Variants in SH3RF3 observed in about 807,000 individuals in gnomAD.
SH3RF3 encodes SH3 domain containing ring finger 3.
Under a neutral mutation model 66.3 loss-of-function variants are expected in SH3RF3, and 29 were observed. That is an observed-to-expected ratio of 0.44 (90% CI 0.33 to 0.60). The LOEUF (loss-of-function observed/expected upper bound fraction) is 0.60. Among genes scored for constraint, SH3RF3 ranks in the 20% least tolerant of loss-of-function variants. The pLI, the probability that SH3RF3 is intolerant of heterozygous loss-of-function variation, is 0.04. For missense variants in SH3RF3, 1,194 were observed against 1,190.9 expected (o/e 1.00, Z -0.04); for synonymous variants, 583 against 532.0 (o/e 1.10, Z -1.32).
At chr2:109,421,708 A>G (rs1319102534) in intron 5 of SH3RF3, among the ~76,000 whole-genome samples, 1 of 152,176 alleles carries the variant, frequency 6.6e-6, no homozygotes. Context: ...GTAAGAGGGA[A>G]GGGAAACTTA....
chr2:109,171,034 C>T (rs1179627702), intron 1 of SH3RF3, among the ~76,000 whole-genome samples: 5 of 152,154 alleles, frequency 3.3e-5, no homozygotes, highest in Non-Finnish European at 4.4e-5. Context: ...GTGCTGGGGG[C>T]TGGGGGAGTC....
At chr2:109,252,852 G>A (rs915849161) in intron 1 of SH3RF3, among the ~76,000 whole-genome samples, 2 of 152,098 alleles carry the variant, frequency 1.3e-5, no homozygotes, top group African/African-American at 4.8e-5. Context: ...GGTTATATAG[G>A]TATGTGAAGT....
intron 1 of SH3RF3, among the ~76,000 whole-genome samples, chr2:109,163,591 G>A (rs1677545566): frequency 1.3e-5 from 2 of 151,198 alleles, no homozygotes; most frequent in Admixed American, 1.3e-4. Context: ...AGTAGAGACG[G>A]GGTTTCACCG....
chr2:109,445,939 G>A (rs1677693183), intron 7 of SH3RF3, among the ~76,000 whole-genome samples: 1 of 152,124 alleles, frequency 6.6e-6, no homozygotes, highest in African/African-American at 2.4e-5. Context: ...CACAGTCCTT[G>A]GAAGCTGCAG....
chr2:109,501,542 G>A lies in SH3RF3; in HGVS notation c.2520G>A (p.Ala840=), dbSNP rs371628939. 16 of 779,440 alleles carry A rather than the reference G, an allele frequency of 2.1e-5. No homozygotes were observed. Among genetic ancestry groups the A allele is most frequent in the South Asian group, 9.4e-5 (7 of 74,132 alleles). 48.3% of individuals were successfully genotyped at this position (779,440 alleles called of 1,614,324 possible). ...TCTCGTACCCACCCCAGAGTGAGGC[G>A]GAGATCGAGCTGAAGGAAGGCGACA... is the stretch of plus-strand genomic sequence containing the variant. ...VVVSYPPQSE[A]EIELKEGDIV... Residue 840 remains alanine (A), a synonymous_variant, in exon 10 of 10, where the codon GCG becomes GCA. Coordinates refer to ENST00000309415, the MANE Select transcript of SH3RF3 (RefSeq NM_001099289.3).
At chr2:109,326,153 T>C (rs1682150508) in intron 1 of SH3RF3, among the ~76,000 whole-genome samples, 1 of 152,358 alleles carries the variant, frequency 6.6e-6, no homozygotes, top group Non-Finnish European at 1.5e-5. Flanking sequence ...ATTTTATCTA[T>C]CTGTTCTTGG....
At chr2:109,338,834 T>C (rs7421851) in intron 1 of SH3RF3, among the ~76,000 whole-genome samples, 98,547 of 152,106 alleles carry the variant, frequency 0.65, 33,718 homozygotes, top group East Asian at 0.91. Flanking sequence ...TGTGAGCCAT[T>C]GCGCCAAGTC....
intron 1 of SH3RF3, among the ~76,000 whole-genome samples, chr2:109,333,456 C>T (rs2105497578): frequency 6.6e-6 from 1 of 152,312 alleles, no homozygotes; most frequent in South Asian, 2.1e-4. Context: ...TCATCCTGGA[C>T]TTGAGATCAC....
chr2:109,345,030 T>C (rs1352657603), intron 1 of SH3RF3, among the ~76,000 whole-genome samples: 1 of 152,130 alleles, frequency 6.6e-6, no homozygotes, highest in African/African-American at 2.4e-5. Flanking sequence ...CTGATACCAG[T>C]GAGGCCATGG....
At chr2:109,342,461 G>C (rs1321073410) in intron 1 of SH3RF3, among the ~76,000 whole-genome samples, 2 of 152,224 alleles carry the variant, frequency 1.3e-5, no homozygotes, top group African/African-American at 2.4e-5. Flanking sequence ...GGCTAATTGT[G>C]AAGGGGGCCC....
At chr2:109,430,346 G>A (rs1057395681) in intron 5 of SH3RF3, among the ~76,000 whole-genome samples, 4 of 152,222 alleles carry the variant, frequency 2.6e-5, no homozygotes, top group Admixed American at 6.5e-5. Context: ...GTGCGTCATT[G>A]TTACTGATTC....
At chr2:109,497,607 C>G (rs533060782) in intron 9 of SH3RF3, among the ~76,000 whole-genome samples, 26 of 152,290 alleles carry the variant, frequency 1.7e-4, no homozygotes, top group Admixed American at 1.6e-3. Flanking sequence ...GCTGCTGACA[C>G]GGACACGACA....
chr2:109,138,172 C>T (rs556661028), intron 1 of SH3RF3, among the ~76,000 whole-genome samples: 5 of 152,260 alleles, frequency 3.3e-5, no homozygotes, highest in East Asian at 1.9e-4. Flanking sequence ...AGCACCACCA[C>T]GCCCGGCTAA....
At position 109,335,021 on chromosome 2, in the gene SH3RF3, G is replaced by A. The variant is rs187794219; in HGVS notation, c.574-12653G>A. Reference sequence around the variant, plus strand: ...ACGCGATTTATGTCACCGCGTTGGCGACTTACATGTGCTCCCTGATCATTG... The same window carrying A: ...ACGCGATTTATGTCACCGCGTTGGCAACTTACATGTGCTCCCTGATCATTG... On this transcript the variant is annotated intron_variant, in intron 1 of 9. Transcript: ENST00000309415. Among the ~76,000 whole-genome samples, 7 of 152,366 alleles carry A rather than the reference G, an allele frequency of 4.6e-5. No homozygotes were observed. The East Asian group carries it at 9.7e-4, about 21-fold the overall frequency.
chr2:109,138,973 G>A (rs1036554110), intron 1 of SH3RF3, among the ~76,000 whole-genome samples: 3 of 152,238 alleles, frequency 2.0e-5, no homozygotes, highest in African/African-American at 7.2e-5. Flanking sequence ...TTGACATGTG[G>A]TAATAAGAGA....
At chr2:109,146,448 A>G (rs1677100228) in intron 1 of SH3RF3, among the ~76,000 whole-genome samples, 1 of 152,084 alleles carries the variant, frequency 6.6e-6, no homozygotes, top group African/African-American at 2.4e-5. Flanking sequence ...ATTCCGTGCC[A>G]AGAGGCCTCC....
In SH3RF3 at chr2:109,129,513, G is replaced by A. The variant is rs1264292650; in HGVS notation, c.-28G>A. On this transcript the variant is annotated 5_prime_UTR_variant, in exon 1 of 10. Coordinates refer to ENST00000309415, the MANE Select transcript of SH3RF3 (RefSeq NM_001099289.3). ...CGCCGGCCCCGGGACCTAGGCAGCC[G>A]CGCGAGACCGCTGCGGGCGCCTCCC... is the stretch of plus-strand genomic sequence containing the variant. 6.7e-7 allele frequency: 1 copy of A among 1,495,540 alleles called. No homozygotes were observed. Among genetic ancestry groups the A allele is most frequent in the South Asian group, 1.2e-5 (1 of 80,370 alleles). The allele number at this position is 1,495,540 out of a possible 1,614,324, so 92.6% of individuals were successfully genotyped here.
At chr2:109,477,816 G>A (rs989962430) in intron 8 of SH3RF3, among the ~76,000 whole-genome samples, 28 of 152,158 alleles carry the variant, frequency 1.8e-4, no homozygotes, top group Admixed American at 1.5e-3. Context: ...CTCACGACCC[G>A]ATCATCTCCC....
At chr2:109,250,225 G>T (rs1174253054) in intron 1 of SH3RF3, among the ~76,000 whole-genome samples, 1 of 151,966 alleles carries the variant, frequency 6.6e-6, no homozygotes, top group Non-Finnish European at 1.5e-5. Flanking sequence ...TGTATTTAGG[G>T]AAAGGCAACT....
Sources: allele counts gnomAD v4.1 joint callset (sites outside exome capture counted in the v4.1 genomes callset), GRCh38; gene constraint gnomAD v4.1.1; transcripts MANE v1.5; gene names NCBI Gene and HGNC (gene_info 2026-07-23, HGNC 2026-07-21).